EPHA10: variants seen among roughly 807,000 people sequenced by gnomAD.
EPHA10 encodes the protein ephrin type-A receptor 10.
EPHA10 carries 120 observed loss-of-function variants against 109.7 expected under a neutral mutation model. That is an observed-to-expected ratio of 1.09 (90% CI 0.94 to 1.27). The LOEUF (loss-of-function observed/expected upper bound fraction) is 1.27, where lower values mean the gene tolerates loss of function less well. EPHA10 is among the 50% of genes most tolerant of loss of function. The probability of loss-of-function intolerance (pLI) is 0.00; values close to 1 mark genes in which losing one functional copy is unlikely to be tolerated. For synonymous variants in EPHA10, 640 were observed against 618.9 expected, an observed-to-expected ratio of 1.03 and a Z score of -0.51; for missense variants, 1,396 against 1,411.1, an observed-to-expected ratio of 0.99 and a Z score of 0.17.
intron 6 of EPHA10, among the ~76,000 whole-genome samples, chr1:37,733,738 T>C (rs1646026055): frequency 6.6e-6 from 1 of 151,834 alleles, no homozygotes; most frequent in Admixed American, 6.6e-5. Context: ...TTCTCATTCC[T>C]CTCCCCCAAT....
At chr1:37,762,580 A>C (rs1646442792) in intron 2 of EPHA10, among the ~76,000 whole-genome samples, 1 of 125,594 alleles carries the variant, frequency 8.0e-6, no homozygotes, top group South Asian at 2.6e-4. Flanking sequence ...CTCCTCACTT[A>C]TTCACTTTTT....
chr1:37,760,665 G>T, intron 3 of EPHA10: 1 of 217,042 alleles, frequency 4.6e-6, no homozygotes, highest in East Asian at 6.9e-5. Flanking sequence ...GAGACCTCAT[G>T]ATGTCATAGA....
chr1:37,752,082 G>T (rs1411654384), intron 5 of EPHA10, among the ~76,000 whole-genome samples: 2 of 152,108 alleles, frequency 1.3e-5, no homozygotes, highest in African/African-American at 4.8e-5. Context: ...GACCCTATAG[G>T]CTCGATTAGG....
intron 5 of EPHA10, among the ~76,000 whole-genome samples, chr1:37,739,816 G>T (rs1018894644): frequency 6.6e-6 from 1 of 152,034 alleles, no homozygotes; most frequent in Admixed American, 6.6e-5. Context: ...CTACACCCCA[G>T]GTATTGGAGT....
chr1:37,733,611 A>G (rs1201957046), intron 6 of EPHA10, among the ~76,000 whole-genome samples: 1 of 152,048 alleles, frequency 6.6e-6, no homozygotes, highest in Non-Finnish European at 1.5e-5. Flanking sequence ...CTGATCCTCA[A>G]AGTCCATTCA....
rs1646318832 is a variant in EPHA10 at position 37,751,214 on chromosome 1, A to AAG, written c.1357+1661_1357+1662insCT. Among the ~76,000 whole-genome samples the AAG allele has an allele frequency of 3.3e-5, 4 of 122,576 alleles. No individual in the cohort carries two copies. In the South Asian group the frequency reaches 1.1e-3, roughly 33 times the overall value. The allele number at this position is 122,576 out of a possible 152,430, so 80.4% of individuals were successfully genotyped here. A position where few individuals can be genotyped will look rare whatever the true frequency, so the allele number is the denominator to read the frequency against. On this transcript the variant is annotated intron_variant, in intron 5 of 16. Transcript: ENST00000373048. The stretch of plus-strand genomic sequence containing the variant: ...CGAGACTCCTCTCAAAAAAAAAAAA[A>AAG]AAAGAAAGAAAGAAAGAAAAAGAAA...
chr1:37,755,687 T>C (rs1646387736), intron 3 of EPHA10, among the ~76,000 whole-genome samples: 1 of 152,184 alleles, frequency 6.6e-6, no homozygotes, highest in Non-Finnish European at 1.5e-5. Flanking sequence ...AGATAAAACA[T>C]GTAAACCACC....
chr1:37,721,427 CAAA>C (rs71053991), intron 11 of EPHA10, among the ~76,000 whole-genome samples: 5 of 94,246 alleles, frequency 5.3e-5, no homozygotes, highest in South Asian at 3.8e-4. Context: ...GACTCCATCT[CAAA>C]AAAAAAAAAA....
At chr1:37,729,069 G>T (rs1042530663) in intron 7 of EPHA10, among the ~76,000 whole-genome samples, 15 of 152,246 alleles carry the variant, frequency 9.9e-5, no homozygotes, top group African/African-American at 3.6e-4. Context: ...TCTGTCTTGG[G>T]TGCCCTCTCC....
In EPHA10 at chr1:37,754,852, C is replaced by G. The variant is rs780408571; in HGVS notation, c.851-482G>C. 1.4e-4 allele frequency among the ~76,000 whole-genome samples: 22 copies of G among 151,972 alleles called. No individual in the cohort carries two copies. The highest frequency in any genetic ancestry group is 3.1e-4 in the Non-Finnish European group (21 of 67,994). On this transcript the variant is annotated intron_variant, in intron 3 of 16. Coordinates refer to ENST00000373048, the MANE Select transcript of EPHA10 (RefSeq NM_001099439.2). The surrounding 1 kb of genome is among the most constrained non-coding windows in gnomAD (Gnocchi z 4.5). ...TCCTTCTATCACCCAGGCTGGAGTGCAGTGGCGGGATCTCCACTCACTGCA... is the reference window on the plus strand; with the variant it reads ...TCCTTCTATCACCCAGGCTGGAGTGGAGTGGCGGGATCTCCACTCACTGCA...
At chr1:37,720,677 G>T (rs1349574682) in intron 12 of EPHA10, 106 bp downstream of exon 12, 2 of 1,538,008 alleles carry the variant, frequency 1.3e-6, no homozygotes, top group East Asian at 4.6e-5. Context: ...GGTCAGCCCG[G>T]CCAGTGGGGA....
At chr1:37,725,372 G>T (rs1420337956) in intron 8 of EPHA10, among the ~76,000 whole-genome samples, 2 of 151,992 alleles carry the variant, frequency 1.3e-5, no homozygotes, top group African/African-American at 4.8e-5. Context: ...TGGATATGGT[G>T]GCACGGGCCT....
At position 37,752,861 on chromosome 1, in the gene EPHA10, C is replaced by A. The variant is rs970452254; in HGVS notation, c.1357+15G>T. ...GGCGCGGTGGCCTCGGGGTGGGGGG[C>A]GCGGACGGCCTTACCCCCGGGCCCG... is the stretch of plus-strand genomic sequence containing the variant. On this transcript the variant is annotated intron_variant, in intron 5 of 16. Transcript: ENST00000373048. 1.6e-6 allele frequency: 2 copies of A among 1,253,112 alleles called. No homozygotes were observed. The highest frequency in any genetic ancestry group is 4.3e-5 in the Admixed American group (1 of 23,294). 77.6% of individuals were successfully genotyped at this position (1,253,112 alleles called of 1,614,324 possible).
At chr1:37,724,263 G>A (rs976808932) in intron 8 of EPHA10, among the ~76,000 whole-genome samples, 3 of 152,206 alleles carry the variant, frequency 2.0e-5, no homozygotes, top group African/African-American at 4.8e-5. Context: ...ACAGTTTATG[G>A]TGGTGCCATT....
chr1:37,743,108 TTTG>T (rs1284422776), intron 5 of EPHA10, among the ~76,000 whole-genome samples: 4 of 152,146 alleles, frequency 2.6e-5, no homozygotes, highest in African/African-American at 9.7e-5. Context: ...ACGCATCTTT[TTTG>T]TTGTTGTTGA....
rs1437622248 is a variant in EPHA10, at chr1:37,721,643, G to T, written c.2146+17C>A. 2 of 1,590,816 alleles carry T rather than the reference G, an allele frequency of 1.3e-6. No individual in the cohort carries two copies. Among genetic ancestry groups the T allele is most frequent in the South Asian group, 1.1e-5 (1 of 88,824 alleles). ...TACCCGTGGGCTGGGCAGCAGGAAG[G>T]GAGCACCGGGCCCTACCTCGGGTAA... On this transcript the variant is annotated intron_variant, in intron 11 of 16. Coordinates refer to ENST00000373048, the MANE Select transcript of EPHA10 (RefSeq NM_001099439.2).
chr1:37,716,594 C>T lies in EPHA10; in HGVS notation c.*1778G>A. On this transcript the variant is annotated 3_prime_UTR_variant, in exon 17 of 17. Transcript: ENST00000373048. Reference sequence around the variant, plus strand: ...GATTCCAAGAGCAGGGGAGCTGCTGCTGGCAGGGTAAGGCCAAAGGCACCT... The same window carrying T: ...GATTCCAAGAGCAGGGGAGCTGCTGTTGGCAGGGTAAGGCCAAAGGCACCT... The T allele has an allele frequency of 4.3e-6, 1 of 232,784 alleles. No homozygotes were observed. Among genetic ancestry groups the T allele is most frequent in the Non-Finnish European group, 8.5e-6 (1 of 117,898 alleles). The allele number at this position is 232,784 out of a possible 1,614,324, so 14.4% of individuals were successfully genotyped here.
chr1:37,762,679 C>A lies in EPHA10; in HGVS notation c.171+106G>T, dbSNP rs1280417971. The A allele has an allele frequency of 3.4e-5, 34 of 990,244 alleles. No homozygotes were observed. In the Admixed American group the frequency reaches 3.6e-4, roughly 10 times the overall value. The allele number at this position is 990,244 out of a possible 1,614,324, so 61.3% of individuals were successfully genotyped here. On this transcript the variant is annotated intron_variant, in intron 2 of 16. Transcript: ENST00000373048. ...GAAGCCAGGGCTGCTGGAGACCACA[C>A]ACTCTGAGGAGCACTTTTGTCTGAT...
At chr1:37,721,158 G>A (rs890138131) in intron 11 of EPHA10, among the ~76,000 whole-genome samples, 2 of 151,552 alleles carry the variant, frequency 1.3e-5, no homozygotes, top group African/African-American at 2.4e-5. Context: ...GGTGGTTCAC[G>A]CCTGTAATCC....
Sources: allele counts gnomAD v4.1 joint callset (sites outside exome capture counted in the v4.1 genomes callset), GRCh38; gene constraint gnomAD v4.1.1; non-coding constraint Gnocchi (gnomAD v3.1); transcripts MANE v1.5; gene names NCBI Gene and HGNC (gene_info 2026-07-23, HGNC 2026-07-21).